Variants in ANKRD45 observed in about 807,000 individuals in gnomAD.
ANKRD45 encodes the protein ankyrin repeat domain 45, also known as ankyrin repeat domain-containing protein 45.
A neutral mutation model predicts 28.1 loss-of-function variants in ANKRD45; 21 were observed. The ratio of observed to expected loss-of-function variants is 0.75; its 90% CI spans 0.53 to 1.08. ANKRD45 has a LOEUF of 1.08. ANKRD45 is among the 50% of genes least tolerant of loss of function. The probability of loss-of-function intolerance (pLI) is 0.00; values close to 1 mark genes in which losing one functional copy is unlikely to be tolerated. For missense variants in ANKRD45, 261 were observed against 308.7 expected (o/e 0.85, Z 1.16); for synonymous variants, 86 against 103.9 (o/e 0.83, Z 1.05).
At chr1:173,617,110 G>A (rs981799074) in intron 5 of ANKRD45, among the ~76,000 whole-genome samples, 1 of 152,152 alleles carries the variant, frequency 6.6e-6, no homozygotes, top group Non-Finnish European at 1.5e-5. Context: ...CCTTGGGTCT[G>A]ATACACAGAC....
rs536562670 is a variant in ANKRD45, at chr1:173,661,285, C to T, written c.-15-1852G>A. Among the ~76,000 whole-genome samples, 3 of 152,180 alleles carry T rather than the reference C, an allele frequency of 2.0e-5. No individual in the cohort carries two copies. The South Asian group carries it at 6.2e-4, about 32-fold the overall frequency. ...AAGAATATTAACATTTAAGCTGAGC[C>T]ATCAAGAATGGGCAAGACTGTCATT... On this transcript the variant is annotated intron_variant, in intron 1 of 5. Coordinates refer to ENST00000333279, the MANE Select transcript of ANKRD45 (RefSeq NM_198493.3).
At chr1:173,686,387 G>A in the ANKRD45 span, among the ~76,000 whole-genome samples, 1 of 152,136 alleles carries the variant, frequency 6.6e-6, no homozygotes, top group Non-Finnish European at 1.5e-5. Flanking sequence ...CTCTAGAGGG[G>A]ATGGTGCTTT....
the ANKRD45 span, among the ~76,000 whole-genome samples, chr1:173,704,829 GA>G: frequency 6.6e-6 from 1 of 152,196 alleles, no homozygotes. Flanking sequence ...TAATTTATTA[GA>G]GAGTGCTTTT....
chr1:173,613,312 C>T (rs529023819), intron 5 of ANKRD45, among the ~76,000 whole-genome samples: 3 of 151,192 alleles, frequency 2.0e-5, no homozygotes, highest in East Asian at 2.0e-4. Flanking sequence ...CCCCTCCGAC[C>T]AGCAGCCGCC....
chr1:173,619,653 C>T (rs896017745), intron 5 of ANKRD45, among the ~76,000 whole-genome samples: 2 of 151,994 alleles, frequency 1.3e-5, no homozygotes, highest in Admixed American at 6.6e-5. Context: ...CATAGTGAAA[C>T]CCAGTCTCTA....
chr1:173,705,687 A>C, the ANKRD45 span, among the ~76,000 whole-genome samples: 1 of 151,954 alleles, frequency 6.6e-6, no homozygotes, highest in Non-Finnish European at 1.5e-5. Context: ...AAATAAATAA[A>C]AATAGATTTT....
the ANKRD45 span, among the ~76,000 whole-genome samples, chr1:173,688,824 G>GTC: frequency 1.4e-5 from 2 of 145,170 alleles, no homozygotes; most frequent in Non-Finnish European, 1.5e-5. Context: ...TTTCCTCTCT[G>GTC]TCTCTCTCTC....
chr1:173,647,092 G>C (rs929709355), intron 2 of ANKRD45, 79 bp from the exon 3 acceptor site: 2 of 1,380,026 alleles, frequency 1.4e-6, no homozygotes, highest in African/African-American at 2.9e-5. Context: ...AGATCATAAT[G>C]GTGATCAAGT....
chr1:173,624,816 G>C lies in ANKRD45; in HGVS notation c.701C>G (p.Thr234Ser). 6.2e-7 allele frequency: 1 copy of C among 1,613,644 alleles called. No individual in the cohort carries two copies. Among genetic ancestry groups the C allele is most frequent in the Non-Finnish European group, 8.5e-7 (1 of 1,179,788 alleles). Residue 234 changes from threonine (T) to serine (S), a missense_variant, in exon 5 of 6, where the codon ACT (threonine) becomes AGT (serine). Transcript: ENST00000333279. ...TGTAGTCATTTTTGTGAAGATAGGA[G>C]TCACAATATCTTCCAGTTGTTGTCT... ...EQRQQLEDIV[T>S]PIFTKMTTPC...
chr1:173,636,681 A>G, intron 3 of ANKRD45: 1 of 630,196 alleles, frequency 1.6e-6, no homozygotes, highest in South Asian at 2.2e-5. Context: ...TTCCTTTAGT[A>G]TAAATAATTG....
upstream of ANKRD45, among the ~76,000 whole-genome samples, chr1:173,670,085 CTT>C (rs1670204722): frequency 6.6e-6 from 1 of 152,140 alleles, no homozygotes; most frequent in Non-Finnish European, 1.5e-5. Flanking sequence ...GTTGGCCTGT[CTT>C]TGGCTTTTAA....
At chr1:173,687,453 T>TCCC in the ANKRD45 span, among the ~76,000 whole-genome samples, 1 of 99,338 alleles carries the variant, frequency 1.0e-5, no homozygotes, top group Non-Finnish European at 1.9e-5. Flanking sequence ...ATATAAATTC[T>TCCC]ACCCCCCCCC....
chr1:173,644,086 CAA>C (rs1187975982), intron 3 of ANKRD45, among the ~76,000 whole-genome samples: 2 of 152,102 alleles, frequency 1.3e-5, no homozygotes, highest in Non-Finnish European at 2.9e-5. Context: ...TAAAAATCCC[CAA>C]ACCTCTAAAA....
At chr1:173,623,600 C>T (rs997581678) in intron 5 of ANKRD45, among the ~76,000 whole-genome samples, 6 of 152,140 alleles carry the variant, frequency 3.9e-5, no homozygotes, top group African/African-American at 2.4e-5. Context: ...CCAGCAATCC[C>T]GTTACTGGGT....
At position 173,615,919 on chromosome 1, in the gene ANKRD45, T is replaced by C. The variant is rs547880348; in HGVS notation, c.731-5704A>G. Among the ~76,000 whole-genome samples, 926 of 152,072 alleles carry C rather than the reference T, an allele frequency of 6.1e-3. 5 individuals carry two copies. Among genetic ancestry groups the C allele is most frequent in the Non-Finnish European group, 9.1e-3 (621 of 67,964 alleles). On this transcript the variant is annotated intron_variant, in intron 5 of 5. Coordinates refer to ENST00000333279, the MANE Select transcript of ANKRD45 (RefSeq NM_198493.3). Reference sequence around the variant, plus strand: ...GAGATCAAGACCATCCTGGCTAACATGGTGAAACCCCGTCTCTACTAAAAA... The same window carrying C: ...GAGATCAAGACCATCCTGGCTAACACGGTGAAACCCCGTCTCTACTAAAAA...
At chr1:173,625,026 A>T (rs938647729) in intron 4 of ANKRD45, 101 bp from the exon 5 acceptor site, 35 of 1,248,060 alleles carry the variant, frequency 2.8e-5, no homozygotes, top group Non-Finnish European at 3.6e-5. Context: ...TTCTGTGATG[A>T]TAGAAATATT....
chr1:173,698,300 T>C, the ANKRD45 span, among the ~76,000 whole-genome samples: 2 of 152,204 alleles, frequency 1.3e-5, no homozygotes, highest in Non-Finnish European at 2.9e-5. Flanking sequence ...GGACTTGAAC[T>C]CAGCTCTGCA....
chr1:173,641,760 T>C (rs946826016), intron 3 of ANKRD45, among the ~76,000 whole-genome samples: 1 of 152,172 alleles, frequency 6.6e-6, no homozygotes, highest in Non-Finnish European at 1.5e-5. Flanking sequence ...TTTACATAGA[T>C]GCTATTGGGG....
the ANKRD45 span, among the ~76,000 whole-genome samples, chr1:173,676,303 G>A: frequency 5.9e-5 from 9 of 152,132 alleles, no homozygotes. Context: ...TAGAAATCAG[G>A]TAGACAGAAA....
Sources: allele counts gnomAD v4.1 joint callset (sites outside exome capture counted in the v4.1 genomes callset), GRCh38; gene constraint gnomAD v4.1.1; transcripts MANE v1.5; gene names NCBI Gene and HGNC (gene_info 2026-07-23, HGNC 2026-07-21).